GPR173: variants seen among roughly 807,000 people sequenced by gnomAD.
GPR173 encodes probable G protein-coupled receptor 173.
Under a neutral mutation model 13.9 loss-of-function variants are expected in GPR173, and 2 were observed. The observed-to-expected ratio is 0.14, with a 90% CI of 0.06 to 0.45. The LOEUF (loss-of-function observed/expected upper bound fraction) is 0.45. Among genes scored for constraint, GPR173 ranks in the 20% least tolerant of loss-of-function variants. GPR173 has a pLI of 0.98. For missense variants in GPR173, 202 were observed against 340.5 expected (o/e 0.59, Z 3.20); for synonymous variants, 131 against 141.0 (o/e 0.93, Z 0.50).
At chrX:53,061,367 C>A (rs1932124316) in intron 1 of GPR173, among the ~76,000 whole-genome samples, 1 of 111,416 alleles carries the variant, frequency 9.0e-6, no homozygotes. Context: ...GTTTGTGTGT[C>A]TGTATATGAG....
At chrX:53,066,101 A>AAAAT (rs1188628954) in intron 1 of GPR173, among the ~76,000 whole-genome samples, 36 of 111,583 alleles carry the variant, frequency 3.2e-4, no homozygotes, top group Non-Finnish European at 1.5e-4. Context: ...CCCTGTTTCC[A>AAAAT]AAATAAATAA....
intron 1 of GPR173, among the ~76,000 whole-genome samples, chrX:53,054,355 A>G (rs1932002178): frequency 1.8e-5 from 2 of 110,403 alleles, no homozygotes; most frequent in Admixed American, 1.9e-4. Flanking sequence ...TACTAAAAAT[A>G]CAACTGGGCG....
rs782355138 is a variant in GPR173, at chrX:53,076,554, C to G, written c.-68C>G. 6 of 905,462 alleles carry G rather than the reference C, an allele frequency of 6.6e-6. No individual in the cohort carries two copies. Among genetic ancestry groups the G allele is most frequent in the Non-Finnish European group, 7.6e-6 (5 of 656,226 alleles). The allele number at this position is 905,462 out of a possible 1,213,427, so 74.6% of individuals were successfully genotyped here. ...AATGTAGCAGGACAACTCATGGAGC[C>G]CCCCCGGGCCCATCGAGTACCGGAC... On this transcript the variant is annotated 5_prime_UTR_variant, in exon 2 of 2. Transcript: ENST00000332582.
Position 53,080,273 on chromosome X carries a change from AG to A in GPR173, c.*2532del, listed in dbSNP as rs1296208172. The stretch of plus-strand genomic sequence containing the variant: ...TCATGGGGAAAAAAAACCCAAGCCC[AG>A]GAGTCTACCCAGCCAGCCTGCTCCC... On this transcript the variant is annotated 3_prime_UTR_variant, in exon 2 of 2. Transcript: ENST00000332582. 1.6e-5 allele frequency: 2 copies of A among 122,173 alleles called. No homozygotes were observed. Among genetic ancestry groups the A allele is most frequent in the African/African-American group, 6.6e-5 (2 of 30,453 alleles). 10.1% of individuals were successfully genotyped at this position (122,173 alleles called of 1,213,427 possible).
chrX:53,056,662 G>A (rs1932044226), intron 1 of GPR173, among the ~76,000 whole-genome samples: 1 of 111,064 alleles, frequency 9.0e-6, no homozygotes, highest in African/African-American at 3.3e-5. Context: ...GTGTGAGTGT[G>A]TAGGTGGTAT....
At chrX:53,061,928 G>A (rs1932130119) in intron 1 of GPR173, among the ~76,000 whole-genome samples, 1 of 105,054 alleles carries the variant, frequency 9.5e-6, no homozygotes, top group Non-Finnish European at 1.9e-5. Flanking sequence ...AGGGCAGAAA[G>A]GCAAGAGAAC....
chrX:53,075,652 C>T (rs1354230242), intron 1 of GPR173, among the ~76,000 whole-genome samples: 2 of 109,646 alleles, frequency 1.8e-5, no homozygotes, highest in Non-Finnish European at 3.8e-5. Flanking sequence ...CATCGTGGCC[C>T]ACAACCCTAC....
intron 1 of GPR173, chrX:53,071,163 C>T (rs781797778): frequency 8.9e-6 from 1 of 111,910 alleles, no homozygotes; most frequent in South Asian, 3.7e-4. Flanking sequence ...TTAGTGGAGA[C>T]GGGGTTTCTC....
chrX:53,049,845 T>C (rs1238312687), intron 1 of GPR173, among the ~76,000 whole-genome samples: 1 of 111,551 alleles, frequency 9.0e-6, no homozygotes, highest in Non-Finnish European at 1.9e-5. Flanking sequence ...TCACAATGCC[T>C]GCACCCTGGG....
chrX:53,056,510 G>T (rs1181222424), intron 1 of GPR173, among the ~76,000 whole-genome samples: 5 of 110,634 alleles, frequency 4.5e-5, no homozygotes, highest in Non-Finnish European at 7.6e-5. Flanking sequence ...GTGGGTGTGT[G>T]TGTGAGTGTG....
At chrX:53,055,456 C>T (rs781862542) in intron 1 of GPR173, among the ~76,000 whole-genome samples, 1 of 108,863 alleles carries the variant, frequency 9.2e-6, no homozygotes, top group African/African-American at 3.4e-5. Flanking sequence ...GTCTGGATGG[C>T]GTGTGGTGAG....
At chrX:53,057,505 A>T (rs1932056170) in intron 1 of GPR173, among the ~76,000 whole-genome samples, 1 of 106,852 alleles carries the variant, frequency 9.4e-6, no homozygotes, top group Admixed American at 1.0e-4. Context: ...TTGGGAGCCG[A>T]GGTGGGCGGA....
intron 1 of GPR173, among the ~76,000 whole-genome samples, chrX:53,067,210 T>A (rs1483176578): frequency 9.0e-6 from 1 of 111,357 alleles, no homozygotes; most frequent in Non-Finnish European, 1.9e-5. Flanking sequence ...CACCAGTGTA[T>A]CTCCTAACAG....
chrX:53,074,000 T>C (rs1209669023), intron 1 of GPR173, among the ~76,000 whole-genome samples: 1 of 25,538 alleles, frequency 3.9e-5, no homozygotes, highest in African/African-American at 3.6e-4. Context: ...TATACATAAA[T>C]ATATATTATA....
intron 1 of GPR173, among the ~76,000 whole-genome samples, chrX:53,073,229 A>C (rs1932288756): frequency 9.2e-6 from 1 of 109,043 alleles, no homozygotes; most frequent in African/African-American, 3.4e-5. Context: ...TCTAAAAAAA[A>C]AAAAAAAAGG....
chrX:53,056,857 G>C (rs1233412391), intron 1 of GPR173, among the ~76,000 whole-genome samples: 5 of 111,521 alleles, frequency 4.5e-5, no homozygotes, highest in African/African-American at 1.3e-4. Context: ...TTATACCTTA[G>C]TGTATCAGCT....
Position 53,077,118 on chromosome X carries a change from A to G in GPR173, c.497A>G (p.Lys166Arg), listed in dbSNP as rs1556805947. Residue 166 changes from lysine to arginine, a missense_variant, in exon 2 of 2, where the codon AAG becomes AGG. Physicochemically the swap from Lys to Arg is conservative, Grantham distance 26. Transcript: ENST00000332582. ...FPPVFDVGTYKFIREEDQCIF... is the reference protein window; with the variant it reads ...FPPVFDVGTYRFIREEDQCIF... The stretch of plus-strand genomic sequence containing the variant: ...CCTGTCTTTGACGTGGGCACCTACA[A>G]GTTTATTCGGGAGGAGGACCAGTGC... The G allele has an allele frequency of 8.3e-7, 1 of 1,210,471 alleles. No homozygotes were observed. Among genetic ancestry groups the G allele is most frequent in the Non-Finnish European group, 1.1e-6 (1 of 894,644 alleles).
chrX:53,073,093 C>T (rs1279978835), intron 1 of GPR173, among the ~76,000 whole-genome samples: 2 of 109,791 alleles, frequency 1.8e-5, no homozygotes, highest in African/African-American at 3.3e-5. Context: ...TGTGGTGGTG[C>T]GTGTGCTTGT....
At position 53,077,653 on chromosome X, in the gene GPR173, C is replaced by T; in HGVS notation, c.1032C>T (p.Asn344=). 1 of 1,209,374 alleles carries T rather than the reference C, an allele frequency of 8.3e-7. No homozygotes were observed. Among genetic ancestry groups the T allele is most frequent in the Non-Finnish European group, 1.1e-6 (1 of 893,505 alleles). ...AVNPIVCFLL[N]KDLKKCLRTH... is the part of the protein sequence containing the mutation. ...ACCCAATTGTCTGCTTCCTGCTCAA[C>T]AAGGACCTCAAGAAGTGCCTGAGGA... The change falls in exon 2 of 2, where the codon AAC becomes AAT. Residue 344 remains asparagine, a synonymous_variant. Transcript: ENST00000332582.
Sources: gnomAD v4.1 joint callset for allele counts (sites outside exome capture counted in the v4.1 genomes callset) on GRCh38, gnomAD v4.1.1 for gene constraint, MANE v1.5 for transcripts, NCBI Gene and HGNC (gene_info 2026-07-23, HGNC 2026-07-21) for gene names.